Variants in KCNT2 observed in about 807,000 individuals in gnomAD.
KCNT2 encodes potassium channel subfamily T member 2.
A neutral mutation model predicts 153.8 loss-of-function variants in KCNT2; 67 were observed. The observed-to-expected ratio is 0.44, with a 90% confidence interval of 0.36 to 0.53. The LOEUF (loss-of-function observed/expected upper bound fraction) is 0.53. KCNT2 is among the 20% of genes least tolerant of loss of function. The pLI is 0.00. For synonymous variants in KCNT2, 500 were observed against 458.8 expected (o/e 1.09, Z -1.15); for missense variants, 975 against 1,354.8 (o/e 0.72, Z 4.40).
chr1:196,427,066 C>T (rs193258338), intron 10 of KCNT2, among the ~76,000 whole-genome samples: 1 of 151,832 alleles, frequency 6.6e-6, no homozygotes, highest in Non-Finnish European at 1.5e-5. Flanking sequence ...GGCTAATACA[C>T]CATGGGATCA....
intron 25 of KCNT2, among the ~76,000 whole-genome samples, chr1:196,265,694 T>C (rs1657473835): frequency 6.6e-6 from 1 of 152,174 alleles, no homozygotes; most frequent in African/African-American, 2.4e-5. Context: ...AGGTTCACAC[T>C]CCTAAAAGGA....
intron 1 of KCNT2, among the ~76,000 whole-genome samples, chr1:196,523,678 G>A (rs1255656001): frequency 6.6e-6 from 1 of 152,184 alleles, no homozygotes; most frequent in Non-Finnish European, 1.5e-5. Flanking sequence ...CAAAGCATCT[G>A]ATAGAGCCAT....
intron 22 of KCNT2, among the ~76,000 whole-genome samples, chr1:196,300,180 G>T (rs1270203833): frequency 6.6e-6 from 1 of 152,218 alleles, no homozygotes; most frequent in Non-Finnish European, 1.5e-5. Context: ...TTGAGAAGAA[G>T]CTTGAGTGGA....
intron 18 of KCNT2, among the ~76,000 whole-genome samples, chr1:196,327,967 G>A (rs899839153): frequency 2.6e-5 from 4 of 151,868 alleles, no homozygotes; most frequent in African/African-American, 9.7e-5. Flanking sequence ...CATTATTCTT[G>A]AATAAAAAAA....
intron 22 of KCNT2, among the ~76,000 whole-genome samples, chr1:196,293,358 A>G (rs1308189782): frequency 1.3e-5 from 2 of 152,224 alleles, no homozygotes; most frequent in Non-Finnish European, 2.9e-5. Flanking sequence ...AAACAAAAGA[A>G]AAAACAAATC....
intron 19 of KCNT2, among the ~76,000 whole-genome samples, chr1:196,325,835 T>C (rs535608660): frequency 6.6e-6 from 1 of 152,224 alleles, no homozygotes; most frequent in South Asian, 2.1e-4. Context: ...TATTTTGATG[T>C]TGGTAAAGTG....
intron 14 of KCNT2, among the ~76,000 whole-genome samples, chr1:196,372,422 A>G (rs182268256): frequency 2.6e-5 from 4 of 152,110 alleles, no homozygotes; most frequent in African/African-American, 9.6e-5. Context: ...TGTCTGAAAT[A>G]TAAGATTAGA....
chr1:196,554,149 T>A (rs915806798), intron 1 of KCNT2, among the ~76,000 whole-genome samples: 3 of 150,488 alleles, frequency 2.0e-5, no homozygotes, highest in African/African-American at 7.3e-5. Context: ...TAGTAGACCA[T>A]AAGAAATAAT....
intron 25 of KCNT2, among the ~76,000 whole-genome samples, chr1:196,279,423 T>G (rs1658886321): frequency 6.8e-6 from 1 of 147,396 alleles, no homozygotes; most frequent in African/African-American, 2.7e-5. Context: ...ATTAAAAAAT[T>G]TTTTTTTATT....
At chr1:196,367,250 C>A (rs1216313871) in intron 14 of KCNT2, among the ~76,000 whole-genome samples, 1 of 152,108 alleles carries the variant, frequency 6.6e-6, no homozygotes, top group African/African-American at 2.4e-5. Context: ...CATGTAGTAA[C>A]TATACCATAG....
chr1:196,515,585 TTTTAC>T (rs1438116751), intron 1 of KCNT2, among the ~76,000 whole-genome samples: 4 of 152,152 alleles, frequency 2.6e-5, no homozygotes, highest in Non-Finnish European at 5.9e-5. Context: ...TGTAAAGCAA[TTTTAC>T]TTTAACAATA....
chr1:196,587,596 T>C (rs1662840687), intron 1 of KCNT2, among the ~76,000 whole-genome samples: 1 of 152,080 alleles, frequency 6.6e-6, no homozygotes, highest in African/African-American at 2.4e-5. Context: ...GATTTAGATA[T>C]AAGGCTATAA....
chr1:196,354,853 C>T (rs1667041447), intron 14 of KCNT2, among the ~76,000 whole-genome samples: 1 of 151,480 alleles, frequency 6.6e-6, no homozygotes, highest in Non-Finnish European at 1.5e-5. Flanking sequence ...TGTTTTTTTG[C>T]ACTCATGAAT....
chr1:196,393,008 G>A (rs1670617503), intron 13 of KCNT2, among the ~76,000 whole-genome samples: 1 of 151,402 alleles, frequency 6.6e-6, no homozygotes, highest in African/African-American at 2.4e-5. Flanking sequence ...ATTTCATTCA[G>A]TCAACACTTT....
At chr1:196,384,878 A>C (rs1330541466) in intron 13 of KCNT2, among the ~76,000 whole-genome samples, 1 of 152,114 alleles carries the variant, frequency 6.6e-6, no homozygotes, top group African/African-American at 2.4e-5. Context: ...GTCTCGCATA[A>C]CAACCTAATC....
intron 27 of KCNT2, 35 bp from the exon 28 acceptor site, chr1:196,228,370 T>G: frequency 6.5e-6 from 7 of 1,081,096 alleles, no homozygotes; most frequent in Non-Finnish European, 9.8e-6. Context: ...AACTTTGCAA[T>G]AGTAAATACA....
intron 1 of KCNT2, among the ~76,000 whole-genome samples, chr1:196,603,332 T>C (rs1036672429): frequency 1.3e-5 from 2 of 152,160 alleles, no homozygotes; most frequent in African/African-American, 4.8e-5. Context: ...AAATTGTCTT[T>C]ACTAACCTGA....
chr1:196,376,201 A>C (rs1474772387), intron 13 of KCNT2, among the ~76,000 whole-genome samples: 2 of 151,754 alleles, frequency 1.3e-5, no homozygotes, highest in African/African-American at 4.8e-5. Flanking sequence ...TCCCATTGTC[A>C]TTCTCACTAC....
At chr1:196,525,546 G>A (rs1654061053) in intron 1 of KCNT2, among the ~76,000 whole-genome samples, 1 of 152,140 alleles carries the variant, frequency 6.6e-6, no homozygotes, top group South Asian at 2.1e-4. Context: ...TGTTCATCCA[G>A]ATAATCACCA....
Sources: allele counts gnomAD v4.1 joint callset (sites outside exome capture counted in the v4.1 genomes callset), GRCh38; gene constraint gnomAD v4.1.1; transcripts MANE v1.5; gene names NCBI Gene and HGNC (gene_info 2026-07-23, HGNC 2026-07-21).